CDKAL1: variants seen among roughly 807,000 people sequenced by gnomAD.
CDKAL1 encodes the protein CDKAL1 threonylcarbamoyladenosine tRNA methylthiotransferase.
Under a neutral mutation model 68.2 loss-of-function variants are expected in CDKAL1, and 32 were observed. The observed-to-expected ratio is 0.47, with a 90% CI of 0.35 to 0.63. CDKAL1 has a LOEUF of 0.63. CDKAL1 is among the 30% of genes least tolerant of loss of function. CDKAL1 has a pLI of 0.00. For missense variants in CDKAL1, 606 were observed against 696.7 expected, an observed-to-expected ratio of 0.87 and a Z score of 1.47; for synonymous variants, 234 against 244.3, an observed-to-expected ratio of 0.96 and a Z score of 0.39.
chr6:20,797,885 C>T (rs773210133), intron 8 of CDKAL1, among the ~76,000 whole-genome samples: 35 of 151,330 alleles, frequency 2.3e-4, no homozygotes, highest in Non-Finnish European at 4.1e-4. Context: ...GGCGCAACCA[C>T]GGTTCGCTGC....
chr6:20,552,045 A>T (rs571187802), intron 4 of CDKAL1, among the ~76,000 whole-genome samples: 9 of 151,784 alleles, frequency 5.9e-5, no homozygotes, highest in Non-Finnish European at 1.5e-5. Context: ...AGGAAAAAAA[A>T]AAAAAAAAGG....
rs556771248 is a variant in CDKAL1, at chr6:20,551,609, A to G, written c.286+2904A>G. ...ATGGTCTCGATCCCTTGACCTCGTG[A>G]TCCACCCGCCTCGGCCTCCCCAAGT... is the stretch of plus-strand genomic sequence containing the variant. On this transcript the variant is annotated intron_variant, in intron 4 of 15. Coordinates refer to ENST00000274695, the MANE Select transcript of CDKAL1 (RefSeq NM_017774.3). 5.3e-5 allele frequency among the ~76,000 whole-genome samples: 8 copies of G among 151,978 alleles called. No homozygotes were observed. The South Asian group carries it at 1.5e-3, about 28-fold the overall frequency.
chr6:21,137,454 A>G (rs1313656909), intron 13 of CDKAL1, among the ~76,000 whole-genome samples: 1 of 152,224 alleles, frequency 6.6e-6, no homozygotes, highest in Non-Finnish European at 1.5e-5. Flanking sequence ...ACAGCCTGTT[A>G]TGGTTTTTAA....
intron 8 of CDKAL1, among the ~76,000 whole-genome samples, chr6:20,799,040 GTTTTTT>G (rs754008816): frequency 3.7e-3 from 178 of 47,488 alleles, no homozygotes; most frequent in African/African-American, 5.5e-3. Context: ...AAAGAACTGA[GTTTTTT>G]TTTTTTTTTT....
intron 13 of CDKAL1, among the ~76,000 whole-genome samples, chr6:21,184,218 G>A (rs1373387918): frequency 6.8e-6 from 1 of 147,746 alleles, no homozygotes; most frequent in African/African-American, 2.5e-5. Context: ...TTTTTGAGGT[G>A]GAGTCTCGCT....
chr6:20,962,178 T>C (rs992449550), intron 10 of CDKAL1, among the ~76,000 whole-genome samples: 5 of 152,242 alleles, frequency 3.3e-5, no homozygotes, highest in African/African-American at 1.2e-4. Flanking sequence ...CCAAACAACA[T>C]TGACACTAAC....
intron 4 of CDKAL1, among the ~76,000 whole-genome samples, chr6:20,616,178 C>T (rs1225184324): frequency 2.6e-5 from 4 of 152,038 alleles, no homozygotes; most frequent in Non-Finnish European, 5.9e-5. Flanking sequence ...GTTTTGGTTA[C>T]TGTAGCCTTG....
chr6:20,570,016 C>T (rs1472168529), intron 4 of CDKAL1, among the ~76,000 whole-genome samples: 4 of 152,142 alleles, frequency 2.6e-5, no homozygotes, highest in African/African-American at 9.7e-5. Context: ...AAGAGTCCAT[C>T]ATAAAGTAAG....
intron 5 of CDKAL1, among the ~76,000 whole-genome samples, chr6:20,738,723 T>C (rs905231236): frequency 6.6e-6 from 1 of 152,136 alleles, no homozygotes; most frequent in African/African-American, 2.4e-5. Context: ...GGTTTCAAAC[T>C]CCTGGGCTCA....
At chr6:20,555,213 T>A (rs980216548) in intron 4 of CDKAL1, among the ~76,000 whole-genome samples, 5 of 152,252 alleles carry the variant, frequency 3.3e-5, no homozygotes, top group Non-Finnish European at 4.4e-5. Flanking sequence ...GCCTTCATAT[T>A]CTGTGTTAAA....
At chr6:20,924,463 GAA>G (rs1419405111) in intron 9 of CDKAL1, among the ~76,000 whole-genome samples, 1 of 151,514 alleles carries the variant, frequency 6.6e-6, no homozygotes, top group Non-Finnish European at 1.5e-5. Context: ...ATGCAAAAGA[GAA>G]GTTATTGAGG....
At chr6:20,568,048 T>C (rs951086330) in intron 4 of CDKAL1, among the ~76,000 whole-genome samples, 11 of 152,114 alleles carry the variant, frequency 7.2e-5, no homozygotes, top group African/African-American at 2.4e-4. Flanking sequence ...GCTAATTTTT[T>C]TGTACTTTTA....
chr6:20,990,310 T>C (rs890695775), intron 10 of CDKAL1, among the ~76,000 whole-genome samples: 1 of 152,208 alleles, frequency 6.6e-6, no homozygotes, highest in Non-Finnish European at 1.5e-5. Flanking sequence ...TGTTTGTGTG[T>C]GTAATTATAA....
chr6:20,711,552 C>T (rs1771847708), intron 5 of CDKAL1, among the ~76,000 whole-genome samples: 3 of 152,168 alleles, frequency 2.0e-5, no homozygotes, highest in African/African-American at 4.8e-5. Context: ...TCACCACTTA[C>T]ATTAATACAT....
At chr6:20,680,131 A>T (rs1203227024) in intron 5 of CDKAL1, among the ~76,000 whole-genome samples, 1 of 151,858 alleles carries the variant, frequency 6.6e-6, no homozygotes, top group Non-Finnish European at 1.5e-5. Flanking sequence ...GTAGTGGCGT[A>T]ATCTTGGTTT....
intron 5 of CDKAL1, among the ~76,000 whole-genome samples, chr6:20,674,331 T>A (rs1769988247): frequency 6.6e-6 from 1 of 152,218 alleles, no homozygotes; most frequent in Admixed American, 6.5e-5. Flanking sequence ...CTTGTGTTAG[T>A]GGAATTGACT....
intron 5 of CDKAL1, among the ~76,000 whole-genome samples, chr6:20,717,405 A>T (rs1307036076): frequency 6.6e-6 from 1 of 151,746 alleles, no homozygotes; most frequent in Non-Finnish European, 1.5e-5. Context: ...AAAGGCTAGG[A>T]TCTAGCACAC....
At chr6:21,130,752 A>G (rs940319408) in intron 13 of CDKAL1, among the ~76,000 whole-genome samples, 2 of 152,154 alleles carry the variant, frequency 1.3e-5, no homozygotes, top group Non-Finnish European at 2.9e-5. Flanking sequence ...ACAGTAGACT[A>G]GGTCTCAGGG....
At chr6:20,925,759 T>C (rs1289489450) in intron 9 of CDKAL1, among the ~76,000 whole-genome samples, 1 of 152,142 alleles carries the variant, frequency 6.6e-6, no homozygotes, top group African/African-American at 2.4e-5. Flanking sequence ...AGGAAGATAC[T>C]AGAACCTCTA....
Sources: gnomAD v4.1 joint callset for allele counts (sites outside exome capture counted in the v4.1 genomes callset) on GRCh38, gnomAD v4.1.1 for gene constraint, MANE v1.5 for transcripts, NCBI Gene and HGNC (gene_info 2026-07-23, HGNC 2026-07-21) for gene names.